TRIO: variants seen among roughly 807,000 people sequenced by gnomAD.
The protein encoded by TRIO is trio Rho guanine nucleotide exchange factor, also known as triple functional domain protein.
Under a neutral mutation model 351.9 loss-of-function variants are expected in TRIO, and 58 were observed. The ratio of observed to expected loss-of-function variants is 0.16; its 90% CI spans 0.13 to 0.21. TRIO has a LOEUF of 0.21. Among genes scored for constraint, TRIO ranks in the 10% least tolerant of loss-of-function variants. The pLI is 1.00. For missense variants in TRIO, 3,201 were observed against 4,027.8 expected (o/e 0.79, Z 5.56); for synonymous variants, 1,758 against 1,595.7 (o/e 1.10, Z -2.42).
At chr5:14,373,147 T>C (rs1745265040) in intron 18 of TRIO, among the ~76,000 whole-genome samples, 1 of 152,140 alleles carries the variant, frequency 6.6e-6, no homozygotes, top group Non-Finnish European at 1.5e-5. Flanking sequence ...ACCCCCATGA[T>C]TCAGTCACCT....
At chr5:14,469,945 C>A (rs994262262) in intron 37 of TRIO, among the ~76,000 whole-genome samples, 3 of 152,200 alleles carry the variant, frequency 2.0e-5, no homozygotes, top group Admixed American at 2.0e-4. Context: ...TAACAGGCTT[C>A]AGCTGTCCAG....
intron 37 of TRIO, among the ~76,000 whole-genome samples, chr5:14,466,934 T>G (rs1754304433): frequency 1.3e-5 from 2 of 152,220 alleles, no homozygotes; most frequent in African/African-American, 4.8e-5. Context: ...GAGCACTTAT[T>G]CTAAGCCAGG....
chr5:14,399,398 A>T (rs942041054), intron 30 of TRIO: 3 of 379,262 alleles, frequency 7.9e-6, no homozygotes, highest in Non-Finnish European at 1.4e-5. Flanking sequence ...AATCATATCT[A>T]TGACTAAGTT....
At chr5:14,457,375 CCCCCCCCCCCCCG>C (rs1561513286) in intron 34 of TRIO, among the ~76,000 whole-genome samples, 3 of 44,740 alleles carry the variant, frequency 6.7e-5, no homozygotes, top group Non-Finnish European at 1.3e-4. Flanking sequence ...CCCTGACCTC[CCCCCCCCCCCCCG>C]CCCCGCCCCC....
intron 48 of TRIO, among the ~76,000 whole-genome samples, chr5:14,491,360 G>T (rs780976550): frequency 6.6e-6 from 1 of 152,242 alleles, no homozygotes; most frequent in Non-Finnish European, 1.5e-5. Context: ...CCCAGCAGAA[G>T]CTAGCACCTT....
At chr5:14,352,170 T>G (rs1305822433) in intron 11 of TRIO, among the ~76,000 whole-genome samples, 1 of 152,184 alleles carries the variant, frequency 6.6e-6, no homozygotes, top group Non-Finnish European at 1.5e-5. Flanking sequence ...GCAGCCCACT[T>G]GTGGGCTGAG....
At chr5:14,173,007 A>G (rs1789190090) in intron 1 of TRIO, among the ~76,000 whole-genome samples, 1 of 152,130 alleles carries the variant, frequency 6.6e-6, no homozygotes, top group African/African-American at 2.4e-5. Flanking sequence ...AGCCCCTCTG[A>G]TGGCTTCTAA....
chr5:14,199,267 T>C (rs1790963676), intron 1 of TRIO, among the ~76,000 whole-genome samples: 2 of 150,206 alleles, frequency 1.3e-5, no homozygotes, highest in South Asian at 2.1e-4. Context: ...TATTTCTAGA[T>C]TCCATTAAAG....
chr5:14,476,436 C>T (rs1755080153), intron 40 of TRIO, among the ~76,000 whole-genome samples: 1 of 152,098 alleles, frequency 6.6e-6, no homozygotes, highest in South Asian at 2.1e-4. Flanking sequence ...GTTAAGTTTC[C>T]ATATATTTGT....
At chr5:14,291,865 A>G (rs1736946152) in intron 5 of TRIO, among the ~76,000 whole-genome samples, 2 of 151,002 alleles carry the variant, frequency 1.3e-5, no homozygotes, top group Admixed American at 1.3e-4. Context: ...ATTCCAATCT[A>G]TTGAGTATGT....
chr5:14,310,847 G>A (rs1398710718), intron 8 of TRIO, among the ~76,000 whole-genome samples: 3 of 152,138 alleles, frequency 2.0e-5, no homozygotes, highest in East Asian at 1.9e-4. Context: ...CACCAGGCCC[G>A]GCTAATTTTT....
At chr5:14,423,264 C>T (rs756423744) in intron 34 of TRIO, among the ~76,000 whole-genome samples, 2 of 152,228 alleles carry the variant, frequency 1.3e-5, no homozygotes, top group Non-Finnish European at 2.9e-5. Context: ...GTGCCCCCAG[C>T]GAGTCTCTTC....
chr5:14,223,673 G>A (rs995130908), intron 1 of TRIO, among the ~76,000 whole-genome samples: 20 of 152,212 alleles, frequency 1.3e-4, no homozygotes, highest in African/African-American at 4.3e-4. Context: ...CCAAGTTTCC[G>A]GGAAGCAGGG....
At chr5:14,251,608 C>T (rs1794750222) in intron 1 of TRIO, among the ~76,000 whole-genome samples, 1 of 152,186 alleles carries the variant, frequency 6.6e-6, no homozygotes, top group Non-Finnish European at 1.5e-5. Context: ...CCCTCTTTCT[C>T]CCTCTGGACA....
At chr5:14,263,749 G>A (rs1220411137) in intron 1 of TRIO, among the ~76,000 whole-genome samples, 1 of 152,222 alleles carries the variant, frequency 6.6e-6, no homozygotes, top group Non-Finnish European at 1.5e-5. Flanking sequence ...ATGTATGTGT[G>A]TGTGTATGGG....
chr5:14,363,308 G>C, intron 13 of TRIO, among the ~76,000 whole-genome samples: 1 of 152,126 alleles, frequency 6.6e-6, no homozygotes. Context: ...CCGATTTACT[G>C]TCTACTTCTA....
At position 14,287,248 on chromosome 5, in the gene TRIO, G is replaced by A. The variant is rs149810746; in HGVS notation, c.540+185G>A. On this transcript the variant is annotated intron_variant, in intron 4 of 56. Coordinates refer to ENST00000344204, the MANE Select transcript of TRIO (RefSeq NM_007118.4). Reference sequence around the variant, plus strand: ...CAGAGCTGCGTTCATCATCCGAGTGGATTGTTTTACCCACATGGGCTTAGG... The same window carrying A: ...CAGAGCTGCGTTCATCATCCGAGTGAATTGTTTTACCCACATGGGCTTAGG... 7.3e-3 allele frequency: 4,797 copies of A among 653,556 alleles called. 53 individuals carry two copies. Among genetic ancestry groups the A allele is most frequent in the Middle Eastern group, 0.019 (46 of 2,418 alleles). The allele number at this position is 653,556 out of a possible 1,614,324, so 40.5% of individuals were successfully genotyped here.
At chr5:14,186,798 G>T (rs545254042) in intron 1 of TRIO, among the ~76,000 whole-genome samples, 15 of 151,900 alleles carry the variant, frequency 9.9e-5, no homozygotes, top group Admixed American at 5.9e-4. Context: ...GGCTGGTCTC[G>T]TACTCCTGAC....
intron 6 of TRIO, among the ~76,000 whole-genome samples, chr5:14,295,871 G>A (rs1335448000): frequency 3.9e-5 from 6 of 152,202 alleles, no homozygotes; most frequent in Non-Finnish European, 2.9e-5. Context: ...GCCTTCAGAT[G>A]CAGCCCGGAG....
Sources: allele counts gnomAD v4.1 joint callset (sites outside exome capture counted in the v4.1 genomes callset), GRCh38; gene constraint gnomAD v4.1.1; transcripts MANE v1.5; gene names NCBI Gene and HGNC (gene_info 2026-07-23, HGNC 2026-07-21).